The following WARS1 variants were observed in gnomAD, a reference collection of about 807,000 sequenced individuals.
WARS1 encodes the protein tryptophanyl-tRNA synthetase 1, also known as tryptophan--tRNA ligase, cytoplasmic.
In WARS1, 17 loss-of-function variants were observed where a neutral mutation model predicts 47.8. The ratio of observed to expected loss-of-function variants is 0.36; its 90% confidence interval spans 0.24 to 0.53. The LOEUF is 0.53. Among genes scored for constraint, WARS1 ranks in the 20% least tolerant of loss-of-function variants. WARS1 has a pLI of 0.91. For missense variants in WARS1, 434 were observed against 608.0 expected, an observed-to-expected ratio of 0.71 and a Z score of 3.01; for synonymous variants, 208 against 228.1, an observed-to-expected ratio of 0.91 and a Z score of 0.79.
chr14:100,365,035 G>A (rs1472098131), intron 2 of WARS1, among the ~76,000 whole-genome samples: 1 of 151,734 alleles, frequency 6.6e-6, no homozygotes, highest in Non-Finnish European at 1.5e-5. Flanking sequence ...GGCAGGCTAA[G>A]GTGGGAGCCC....
At position 100,345,629 on chromosome 14, in the gene WARS1, CT is replaced by C. The variant is rs367695091; in HGVS notation, c.826+1116del. Among the ~76,000 whole-genome samples, 170 of 151,064 alleles carry C rather than the reference CT, an allele frequency of 1.1e-3. 2 individuals are homozygous for C. The East Asian group carries it at 0.029, about 26-fold the overall frequency. ...TGTCCTGTGACCCTGCCAAATCCCC[CT>C]CTGCGAGAAACACCCAAGAATGATC... On this transcript the variant is annotated intron_variant, in intron 7 of 10. Coordinates refer to ENST00000392882, the MANE Select transcript of WARS1 (RefSeq NM_004184.4).
Position 100,343,306 on chromosome 14 carries a change from A to G in WARS1, c.908T>C (p.Ile303Thr). 1 of 1,613,224 alleles carries G rather than the reference A, an allele frequency of 6.2e-7. No individual in the cohort carries two copies. The highest frequency in any genetic ancestry group is 1.1e-5 in the South Asian group (1 of 91,046). The change falls in exon 8 of 11, where the codon ATC (isoleucine) becomes ACC (threonine). Residue 303 changes from isoleucine (I) to threonine (T), a missense_variant. Transcript: ENST00000392882. ...AATGGCACATGGGATAAGGCACTGG[A>G]TATCCGTCCTGTCTCGGAAGATCTG... ...FPQIFRDRTDIQCLIPCAIDQ... is the reference protein window; with the variant it reads ...FPQIFRDRTDTQCLIPCAIDQ...
chr14:100,354,276 C>G lies in WARS1; in HGVS notation c.542+171G>C, dbSNP rs570966273. On this transcript the variant is annotated intron_variant, in intron 5 of 10. Coordinates refer to ENST00000392882, the MANE Select transcript of WARS1 (RefSeq NM_004184.4). ...GCTCTCCCCATCACTCCATGGTCCT[C>G]TAAAGTGAGCCCAGGAACAAAGTGA... The G allele has an allele frequency of 2.1e-5, 20 of 951,276 alleles. No homozygotes were observed. The East Asian group carries it at 5.2e-4, about 25-fold the overall frequency. The allele number at this position is 951,276 out of a possible 1,614,324, so 58.9% of individuals were successfully genotyped here.
chr14:100,337,618 AG>A (rs1284530958), intron 9 of WARS1, among the ~76,000 whole-genome samples: 1 of 139,058 alleles, frequency 7.2e-6, no homozygotes, highest in African/African-American at 2.7e-5. Context: ...TGGGAGGCTG[AG>A]GGGGGAGGAT....
At chr14:100,342,014 G>A (rs1047544717) in intron 9 of WARS1, 4 of 279,774 alleles carry the variant, frequency 1.4e-5, no homozygotes, top group Non-Finnish European at 2.9e-5. Context: ...GGGTCCAGCC[G>A]CTGGAACACA....
At chr14:100,337,317 C>T in intron 9 of WARS1, 115 bp from the exon 10 acceptor site, 1 of 1,499,960 alleles carries the variant, frequency 6.7e-7, no homozygotes, top group Non-Finnish European at 9.1e-7. Context: ...GATTCTGGAC[C>T]CGGGAAAGGC....
In WARS1 at chr14:100,373,779, A is replaced by G. The variant is rs540514025; in HGVS notation, c.-74+1504T>C. On this transcript the variant is annotated intron_variant, in intron 1 of 10. Transcript: ENST00000392882. This position sits in a 1 kb window ranked among gnomAD's most constrained non-coding sequence, Gnocchi z 4.4. Reference sequence around the variant, plus strand: ...GAGGAAATAGCAGATGATCATGATCACAAGGCATATACTTTGCGTGGGAAT... The same window carrying G: ...GAGGAAATAGCAGATGATCATGATCGCAAGGCATATACTTTGCGTGGGAAT... 2.9e-4 allele frequency among the ~76,000 whole-genome samples: 44 copies of G among 152,216 alleles called. No individual in the cohort carries two copies. Among genetic ancestry groups the G allele is most frequent in the African/African-American group, 1.1e-3 (44 of 41,518 alleles).
intron 2 of WARS1, chr14:100,366,579 CAGAG>C (rs891990629): frequency 1.5e-6 from 1 of 668,036 alleles, no homozygotes; most frequent in Non-Finnish European, 2.7e-6. Flanking sequence ...ATTAAGATCT[CAGAG>C]AGAGAGAGTT....
At chr14:100,357,407 C>T (rs147864132) in intron 4 of WARS1, among the ~76,000 whole-genome samples, 190 of 151,840 alleles carry the variant, frequency 1.3e-3, no homozygotes, top group African/African-American at 4.4e-3. Flanking sequence ...AAAGCATTAG[C>T]GCTAATAAAC....
intron 1 of WARS1, among the ~76,000 whole-genome samples, chr14:100,369,949 G>A (rs1896244302): frequency 6.6e-6 from 1 of 152,010 alleles, no homozygotes; most frequent in South Asian, 2.1e-4. Flanking sequence ...ATAGGTGTGA[G>A]CCAAGGCACC....
rs1207742387 is a variant in WARS1, at chr14:100,373,065, T to C, written c.-74+2218A>G. Among the ~76,000 whole-genome samples, 1 of 152,126 alleles carries C rather than the reference T, an allele frequency of 6.6e-6. No individual in the cohort carries two copies. The highest frequency in any genetic ancestry group is 1.5e-5 in the Non-Finnish European group (1 of 68,030). On this transcript the variant is annotated intron_variant, in intron 1 of 10. Coordinates refer to ENST00000392882, the MANE Select transcript of WARS1 (RefSeq NM_004184.4). This position sits in a 1 kb window ranked among gnomAD's most constrained non-coding sequence, Gnocchi z 4.4. ...CTTTATGAAAGCACTCACACTGCAG[T>C]TTAGTTATTCATGTCTTCCCCAGCA...
intron 3 of WARS1, 126 bp downstream of exon 3, chr14:100,361,582 T>G (rs781402639): frequency 9.8e-6 from 9 of 920,960 alleles, no homozygotes; most frequent in Non-Finnish European, 1.1e-5. Context: ...GTATCCATTT[T>G]TTCTTGGCAT....
chr14:100,345,036 C>A (rs1326343258), intron 7 of WARS1, among the ~76,000 whole-genome samples: 1 of 149,542 alleles, frequency 6.7e-6, no homozygotes, highest in Non-Finnish European at 1.5e-5. Flanking sequence ...CCGCCCCGTC[C>A]GGGAGGGAGG....
intron 6 of WARS1, among the ~76,000 whole-genome samples, chr14:100,349,803 C>T (rs1894854189): frequency 6.6e-6 from 1 of 152,206 alleles, no homozygotes; most frequent in Non-Finnish European, 1.5e-5. Context: ...GAGGCCTCAC[C>T]ACCTCCCTCC....
chr14:100,340,599 T>A (rs1427127771), intron 9 of WARS1: 1 of 152,192 alleles, frequency 6.6e-6, no homozygotes, highest in African/African-American at 2.4e-5. Flanking sequence ...GCTCAAGCCA[T>A]CCTCCTGAGT....
At chr14:100,372,536 G>A (rs2140101988) in intron 1 of WARS1, among the ~76,000 whole-genome samples, 1 of 152,266 alleles carries the variant, frequency 6.6e-6, no homozygotes, top group Middle Eastern at 3.4e-3. Flanking sequence ...AGTACCCTCT[G>A]CCTAGGGCTA....
intron 2 of WARS1, among the ~76,000 whole-genome samples, chr14:100,366,218 T>C (rs1895984228): frequency 6.6e-6 from 1 of 152,116 alleles, no homozygotes; most frequent in Admixed American, 6.6e-5. Context: ...CACTCAGCCG[T>C]AGAACTCTGG....
chr14:100,367,997 A>C (rs1243248030), intron 2 of WARS1, among the ~76,000 whole-genome samples: 2 of 152,202 alleles, frequency 1.3e-5, no homozygotes, highest in Admixed American at 6.5e-5. Flanking sequence ...CGGGGCACCC[A>C]ATCGACAGGG....
At chr14:100,341,166 T>A (rs2139911209) in intron 9 of WARS1, among the ~76,000 whole-genome samples, 1 of 152,330 alleles carries the variant, frequency 6.6e-6, no homozygotes, top group Non-Finnish European at 1.5e-5. Flanking sequence ...TCCACCTGCC[T>A]CGGCCTCTCA....
Sources: gnomAD v4.1 joint callset for allele counts (sites outside exome capture counted in the v4.1 genomes callset) on GRCh38, gnomAD v4.1.1 for gene constraint, Gnocchi (gnomAD v3.1) non-coding constraint, MANE v1.5 for transcripts, NCBI Gene and HGNC (gene_info 2026-07-23, HGNC 2026-07-21) for gene names.